CTNNA3: variants seen among roughly 807,000 people sequenced by gnomAD.
CTNNA3 encodes the protein catenin alpha-3.
CTNNA3 carries 76 observed loss-of-function variants against 95.7 expected under a neutral mutation model. The ratio of observed to expected loss-of-function variants is 0.79; its 90% CI spans 0.66 to 0.96. The LOEUF (loss-of-function observed/expected upper bound fraction) is 0.96. Among genes scored for constraint, CTNNA3 ranks in the 40% least tolerant of loss-of-function variants. CTNNA3 has a pLI of 0.00. For missense variants in CTNNA3, 1,191 were observed against 1,089.8 expected (o/e 1.09, Z -1.31); for synonymous variants, 431 against 374.4 (o/e 1.15, Z -1.74).
chr10:66,810,843 G>T (rs1841847137), intron 7 of CTNNA3, among the ~76,000 whole-genome samples: 1 of 152,056 alleles, frequency 6.6e-6, no homozygotes, highest in Non-Finnish European at 1.5e-5. Flanking sequence ...ACTAGAACTT[G>T]TGTCCTTCTT....
intron 7 of CTNNA3, among the ~76,000 whole-genome samples, chr10:66,817,711 G>T (rs4636542): frequency 0.57 from 87,165 of 151,602 alleles, 25,213 homozygotes; most frequent in Admixed American, 0.62. Flanking sequence ...GCTCAATTCT[G>T]CCAAATATTC....
chr10:66,578,488 T>C (rs969861925), intron 10 of CTNNA3, among the ~76,000 whole-genome samples: 3 of 151,978 alleles, frequency 2.0e-5, no homozygotes, highest in Non-Finnish European at 2.9e-5. Context: ...AGAGATATGT[T>C]CTATTGATGC....
At chr10:66,446,733 A>C (rs1370852864) in intron 11 of CTNNA3, among the ~76,000 whole-genome samples, 1 of 152,170 alleles carries the variant, frequency 6.6e-6, no homozygotes, top group African/African-American at 2.4e-5. Flanking sequence ...GAATGGGCAA[A>C]ATCTGGAAGC....
At chr10:67,475,571 A>T (rs895925804) in intron 5 of CTNNA3, among the ~76,000 whole-genome samples, 1 of 152,198 alleles carries the variant, frequency 6.6e-6, no homozygotes, top group African/African-American at 2.4e-5. Flanking sequence ...GAATATAAAT[A>T]ATTTAAATTA....
intron 11 of CTNNA3, among the ~76,000 whole-genome samples, chr10:66,513,811 T>C (rs1271659287): frequency 6.6e-6 from 1 of 152,192 alleles, no homozygotes; most frequent in East Asian, 1.9e-4. Flanking sequence ...TTTGGATTTC[T>C]ATGTCCTGGG....
intron 7 of CTNNA3, among the ~76,000 whole-genome samples, chr10:67,159,383 G>A (rs934399545): frequency 2.5e-4 from 38 of 152,138 alleles, no homozygotes; most frequent in African/African-American, 8.9e-4. Context: ...TCTGCGGCTC[G>A]TCCTGCTACA....
intron 12 of CTNNA3, among the ~76,000 whole-genome samples, chr10:66,346,246 T>TAG (rs371257440): frequency 4.7e-3 from 129 of 27,730 alleles, no homozygotes; most frequent in African/African-American, 0.016. Context: ...TATATATATA[T>TAG]AGAGAGAGAG....
At chr10:67,248,627 A>G (rs755385087) in intron 5 of CTNNA3, among the ~76,000 whole-genome samples, 1 of 151,992 alleles carries the variant, frequency 6.6e-6, no homozygotes, top group Non-Finnish European at 1.5e-5. Context: ...GGGTTTCACC[A>G]TGCTTCCTAG....
At chr10:66,230,446 T>A (rs2089529876) in intron 13 of CTNNA3, among the ~76,000 whole-genome samples, 2 of 152,170 alleles carry the variant, frequency 1.3e-5, no homozygotes, top group African/African-American at 4.8e-5. Flanking sequence ...TCCATATGAT[T>A]TCTAAAGCTG....
At chr10:66,797,079 G>GT (rs149389384) in intron 7 of CTNNA3, among the ~76,000 whole-genome samples, 18,144 of 147,482 alleles carry the variant, frequency 0.12, 1,553 homozygotes, top group African/African-American at 0.25. Context: ...TTGTAAATTT[G>GT]TTTTTTTTTT....
intron 7 of CTNNA3, among the ~76,000 whole-genome samples, chr10:66,822,084 ATATAT>A (rs1406648168): frequency 6.2e-5 from 9 of 144,558 alleles, no homozygotes; most frequent in Middle Eastern, 3.6e-3. Context: ...ATAAAATTAC[ATATAT>A]TATATGTAAA....
chr10:66,840,957 T>A (rs568797173), intron 7 of CTNNA3, among the ~76,000 whole-genome samples: 1 of 152,332 alleles, frequency 6.6e-6, no homozygotes, highest in South Asian at 2.1e-4. Context: ...GGAAGGTTTC[T>A]TTCTAATTTT....
intron 7 of CTNNA3, among the ~76,000 whole-genome samples, chr10:66,883,610 T>C (rs1459687612): frequency 6.6e-6 from 1 of 152,114 alleles, no homozygotes; most frequent in Non-Finnish European, 1.5e-5. Flanking sequence ...CATATTATGG[T>C]TGATTAAAGT....
At chr10:66,585,398 T>A (rs1843327837) in intron 10 of CTNNA3, among the ~76,000 whole-genome samples, 1 of 151,990 alleles carries the variant, frequency 6.6e-6, no homozygotes, top group Non-Finnish European at 1.5e-5. Flanking sequence ...TTCTTTTTTG[T>A]TTACTTTTGC....
intron 5 of CTNNA3, among the ~76,000 whole-genome samples, chr10:67,250,643 A>G (rs1351152974): frequency 6.6e-6 from 1 of 152,136 alleles, no homozygotes; most frequent in African/African-American, 2.4e-5. Context: ...TATTTCAGCC[A>G]CTGTTGGTTG....
chr10:66,261,295 T>G (rs1412039536), intron 13 of CTNNA3, among the ~76,000 whole-genome samples: 1 of 152,126 alleles, frequency 6.6e-6, no homozygotes, highest in Non-Finnish European at 1.5e-5. Context: ...TCCCTTGATC[T>G]TCCTACCTCA....
chr10:66,817,590 C>G (rs976897044), intron 7 of CTNNA3, among the ~76,000 whole-genome samples: 6 of 151,862 alleles, frequency 4.0e-5, no homozygotes, highest in African/African-American at 1.4e-4. Context: ...TTCCTAGAAA[C>G]TAGCTACACT....
chr10:66,821,156 GT>G (rs1262958436), intron 7 of CTNNA3, among the ~76,000 whole-genome samples: 2 of 152,000 alleles, frequency 1.3e-5, no homozygotes, highest in African/African-American at 4.8e-5. Context: ...CATGCACATA[GT>G]TTCCTTGTAA....
chr10:65,987,285 A>G (rs1195693436), intron 16 of CTNNA3, among the ~76,000 whole-genome samples: 1 of 151,542 alleles, frequency 6.6e-6, no homozygotes, highest in Non-Finnish European at 1.5e-5. Context: ...AGATATTTTC[A>G]TACTATTTGA....
Sources: allele counts gnomAD v4.1 joint callset (sites outside exome capture counted in the v4.1 genomes callset), GRCh38; gene constraint gnomAD v4.1.1; transcripts MANE v1.5; gene names NCBI Gene and HGNC (gene_info 2026-07-23, HGNC 2026-07-21).